NDST4: variants seen among roughly 807,000 people sequenced by gnomAD.
NDST4 encodes the protein N-heparan sulfate sulfotransferase 4.
Under a neutral mutation model 100.8 loss-of-function variants are expected in NDST4, and 63 were observed. That is an observed-to-expected ratio of 0.62 (90% CI 0.51 to 0.77). The LOEUF is 0.77. Among genes scored for constraint, NDST4 ranks in the 30% least tolerant of loss-of-function variants. The pLI is 0.00. For missense variants in NDST4, 943 were observed against 1,018.4 expected (o/e 0.93, Z 1.01); for synonymous variants, 377 against 361.8 (o/e 1.04, Z -0.48).
chr4:114,980,864 T>C (rs1578428517), intron 2 of NDST4, among the ~76,000 whole-genome samples: 2 of 152,136 alleles, frequency 1.3e-5, no homozygotes, highest in East Asian at 3.8e-4. Flanking sequence ...ATTATTTTAA[T>C]AAACATAACT....
At chr4:115,022,580 G>A (rs968503966) in intron 2 of NDST4, among the ~76,000 whole-genome samples, 13 of 149,444 alleles carry the variant, frequency 8.7e-5, no homozygotes, top group South Asian at 6.4e-4. Flanking sequence ...TCGCAGCAAC[G>A]TGGATGAGAC....
chr4:114,850,015 A>G (rs909220262), intron 8 of NDST4, among the ~76,000 whole-genome samples: 5 of 152,234 alleles, frequency 3.3e-5, no homozygotes, highest in Admixed American at 3.3e-4. Context: ...AATAGAGTAG[A>G]AACTGGAAGG....
At chr4:114,983,116 C>A (rs961513967) in intron 2 of NDST4, among the ~76,000 whole-genome samples, 5 of 152,182 alleles carry the variant, frequency 3.3e-5, no homozygotes, top group Admixed American at 2.0e-4. Context: ...AGGAGCAGAG[C>A]CCTCATGGAG....
intron 4 of NDST4, among the ~76,000 whole-genome samples, chr4:114,957,980 G>C (rs1286860702): frequency 3.9e-5 from 6 of 152,204 alleles, no homozygotes; most frequent in Admixed American, 2.0e-4. Flanking sequence ...TGGCTGGCTT[G>C]AGTGTCTGTG....
At chr4:114,978,110 A>G (rs1434770577) in intron 2 of NDST4, among the ~76,000 whole-genome samples, 1 of 151,996 alleles carries the variant, frequency 6.6e-6, no homozygotes, top group Non-Finnish European at 1.5e-5. Flanking sequence ...ACTGGTATGC[A>G]TATTGATTCA....
At chr4:114,914,528 T>C (rs1725128844) in intron 6 of NDST4, among the ~76,000 whole-genome samples, 1 of 152,178 alleles carries the variant, frequency 6.6e-6, no homozygotes, top group Non-Finnish European at 1.5e-5. Flanking sequence ...ATTTTGCTTT[T>C]CATTACCCAT....
At chr4:115,016,086 T>C (rs1289279348) in intron 2 of NDST4, among the ~76,000 whole-genome samples, 1 of 152,098 alleles carries the variant, frequency 6.6e-6, no homozygotes, top group Non-Finnish European at 1.5e-5. Flanking sequence ...GTCATGTTAA[T>C]CCATCAATTA....
In NDST4 at chr4:114,855,487, C is replaced by A. The variant is rs530284649; in HGVS notation, c.1720-2666G>T. 2.4e-4 allele frequency among the ~76,000 whole-genome samples: 37 copies of A among 152,132 alleles called. 1 individual carries two copies. The highest frequency in any genetic ancestry group is 1.8e-3 in the Admixed American group (27 of 15,274). On this transcript the variant is annotated intron_variant, in intron 7 of 13. Transcript: ENST00000264363. The stretch of plus-strand genomic sequence containing the variant: ...ATAGGGGTCTAGTTTCATTCTTCTG[C>A]ATGCAGCTATCCAGTTTTTCCAGTA...
intron 8 of NDST4, among the ~76,000 whole-genome samples, chr4:114,850,904 C>G (rs565781621): frequency 6.6e-6 from 1 of 152,168 alleles, no homozygotes; most frequent in South Asian, 2.1e-4. Context: ...ACTTTGAGTC[C>G]CTTAAGTCTA....
At chr4:114,896,426 A>G (rs1450241804) in intron 6 of NDST4, among the ~76,000 whole-genome samples, 1 of 151,998 alleles carries the variant, frequency 6.6e-6, no homozygotes, top group Non-Finnish European at 1.5e-5. Context: ...GATTGAGACC[A>G]TCCTGGCTAA....
At chr4:114,860,563 T>C (rs1183018798) in intron 7 of NDST4, among the ~76,000 whole-genome samples, 1 of 152,144 alleles carries the variant, frequency 6.6e-6, no homozygotes, top group Non-Finnish European at 1.5e-5. Context: ...AATGGCTAGA[T>C]TGCAGCATGT....
At chr4:114,939,509 T>C (rs1156689922) in intron 4 of NDST4, among the ~76,000 whole-genome samples, 1 of 152,130 alleles carries the variant, frequency 6.6e-6, no homozygotes, top group Non-Finnish European at 1.5e-5. Context: ...CTGTATAAAT[T>C]TGACTCTAAA....
intron 4 of NDST4, among the ~76,000 whole-genome samples, chr4:114,969,188 C>T (rs1726450372): frequency 6.6e-6 from 1 of 150,852 alleles, no homozygotes; most frequent in South Asian, 2.1e-4. Flanking sequence ...GTGGCGGGCG[C>T]CTGTAGTCCC....
intron 1 of NDST4, among the ~76,000 whole-genome samples, chr4:115,109,614 T>A (rs548571796): frequency 2.0e-5 from 3 of 151,938 alleles, no homozygotes; most frequent in African/African-American, 7.2e-5. Context: ...GAGTACAATA[T>A]CAAATTATAT....
chr4:114,886,624 G>A (rs570600905), intron 6 of NDST4, among the ~76,000 whole-genome samples: 4 of 152,040 alleles, frequency 2.6e-5, no homozygotes, highest in African/African-American at 9.7e-5. Context: ...ATTAAAAAAA[G>A]TTCTGTTTAC....
intron 2 of NDST4, among the ~76,000 whole-genome samples, chr4:114,983,310 G>A (rs888714116): frequency 7.2e-5 from 11 of 152,342 alleles, no homozygotes; most frequent in African/African-American, 2.6e-4. Context: ...ATGCCAGCCT[G>A]TGAAAGCAGC....
chr4:114,848,119 C>T (rs1723593756), intron 9 of NDST4, 96 bp downstream of exon 9: 2 of 1,031,486 alleles, frequency 1.9e-6, no homozygotes, highest in East Asian at 5.0e-5. Context: ...TGAATTTATC[C>T]TGTAATTATG....
intron 2 of NDST4, among the ~76,000 whole-genome samples, chr4:115,028,533 C>A: frequency 6.6e-6 from 1 of 150,784 alleles, no homozygotes; most frequent in African/African-American, 2.4e-5. Flanking sequence ...CAACAAAATT[C>A]CTGGAGAAGA....
intron 1 of NDST4, among the ~76,000 whole-genome samples, chr4:115,091,097 T>G (rs1729510630): frequency 2.0e-5 from 3 of 152,092 alleles, no homozygotes; most frequent in Admixed American, 6.6e-5. Flanking sequence ...TAAATCTTTT[T>G]CTGAAAGGAA....
Sources: gnomAD v4.1 joint callset for allele counts (sites outside exome capture counted in the v4.1 genomes callset) on GRCh38, gnomAD v4.1.1 for gene constraint, MANE v1.5 for transcripts, NCBI Gene and HGNC (gene_info 2026-07-23, HGNC 2026-07-21) for gene names.